CELA3B: variants seen among roughly 807,000 people sequenced by gnomAD.
CELA3B encodes the protein chymotrypsin-like elastase family member 3B.
Under a neutral mutation model 37.2 loss-of-function variants are expected in CELA3B, and 34 were observed. That is an observed-to-expected ratio of 0.91 (90% CI 0.70 to 1.22). The LOEUF (loss-of-function observed/expected upper bound fraction) is 1.22, where lower values mean the gene tolerates loss of function less well. Ranked by LOEUF, CELA3B falls within the 50% of genes most tolerant of loss-of-function variation. The pLI is 0.00. For synonymous variants in CELA3B, 127 were observed against 143.5 expected (o/e 0.89, Z 0.82); for missense variants, 340 against 363.1 (o/e 0.94, Z 0.52).
chr1:21,983,113 G>A (rs932390167), intron 4 of CELA3B, among the ~76,000 whole-genome samples: 2 of 152,182 alleles, frequency 1.3e-5, no homozygotes, highest in Non-Finnish European at 2.9e-5. Flanking sequence ...ACTTTGGGAG[G>A]CCCAGGCGGG....
chr1:21,985,927 A>G (rs1439386230), intron 6 of CELA3B, among the ~76,000 whole-genome samples: 4 of 139,854 alleles, frequency 2.9e-5, no homozygotes, highest in Non-Finnish European at 6.2e-5. Flanking sequence ...CCCTCGTATT[A>G]TAATTGAGTA....
rs748651866 is a variant in CELA3B, at chr1:21,986,669, G to C, written c.781G>C (p.Asp261His). 1.9e-6 allele frequency: 3 copies of C among 1,613,440 alleles called. No individual in the cohort carries two copies. Among genetic ancestry groups the C allele is most frequent in the Admixed American group, 1.7e-5 (1 of 59,808 alleles). ...GTTCACTCGAGTCTCCGCCTTCATT[G>C]ACTGGATTGAGGAGGTGAGGAGGGC... ...TVFTRVSAFIDWIEETIASH is the reference protein window; with the variant it reads ...TVFTRVSAFIHWIEETIASH Residue 261 changes from aspartate (D) to histidine (H), a missense_variant, in exon 7 of 8, where the codon GAC (aspartate) becomes CAC (histidine). Coordinates refer to ENST00000337107, the MANE Select transcript of CELA3B (RefSeq NM_007352.4).
chr1:21,983,746 G>C lies in CELA3B; in HGVS notation c.415G>C (p.Val139Leu), dbSNP rs141568613. The C allele has an allele frequency of 2.5e-6, 4 of 1,614,070 alleles. No homozygotes were observed. Among genetic ancestry groups the C allele is most frequent in the Admixed American group, 3.3e-5 (2 of 60,010 alleles). ...LSRSAQLGDA[V>L]QLASLPPAGD... ...ACGCAGCGCCCAGCTGGGAGACGCC[G>C]TCCAGCTCGCCTCACTCCCTCCGGC... The change falls in exon 5 of 8, where the codon GTC (valine) becomes CTC (leucine). Residue 139 changes from valine (V) to leucine (L), a missense_variant. By Grantham distance (32) the Val-to-Leu change is conservative. Coordinates refer to ENST00000337107, the MANE Select transcript of CELA3B (RefSeq NM_007352.4).
intron 2 of CELA3B, among the ~76,000 whole-genome samples, chr1:21,979,531 C>T (rs924723683): frequency 1.3e-4 from 19 of 144,402 alleles, no homozygotes; most frequent in Non-Finnish European, 2.5e-4. Flanking sequence ...CAGCTCACTG[C>T]AGCCTTGACC....
At chr1:21,977,637 A>C (rs1042122373) in intron 1 of CELA3B, among the ~76,000 whole-genome samples, 1 of 152,232 alleles carries the variant, frequency 6.6e-6, no homozygotes, top group African/African-American at 2.4e-5. Flanking sequence ...TCAGGAGATC[A>C]GTACTATCAT....
At chr1:21,977,584 T>C (rs1188815056) in intron 1 of CELA3B, among the ~76,000 whole-genome samples, 2 of 152,196 alleles carry the variant, frequency 1.3e-5, no homozygotes, top group Admixed American at 6.5e-5. Flanking sequence ...GCAGAATGTT[T>C]AGGGTTTTCC....
At chr1:21,997,513 C>T (rs2152818496) in intron 4 of CELA3B, among the ~76,000 whole-genome samples, 1 of 150,682 alleles carries the variant, frequency 6.6e-6, no homozygotes, top group East Asian at 2.0e-4. Flanking sequence ...TGTGGTGAAA[C>T]CCTGCCTCTA....
chr1:21,995,525 T>C (rs1021435308), intron 4 of CELA3B, among the ~76,000 whole-genome samples: 21 of 151,266 alleles, frequency 1.4e-4, no homozygotes, highest in African/African-American at 3.9e-4. Context: ...TGAGGCTGTG[T>C]GCTGATTTCT....
In CELA3B at chr1:21,980,901, G is replaced by C; in HGVS notation, c.207G>C (p.Val69=). The C allele has an allele frequency of 6.2e-7, 1 of 1,613,558 alleles. No individual in the cohort carries two copies. Among genetic ancestry groups the C allele is most frequent in the Non-Finnish European group, 8.5e-7 (1 of 1,179,868 alleles). The change falls in exon 3 of 8, where the codon GTG becomes GTC. Residue 69 remains valine, a synonymous_variant. Transcript: ENST00000337107. The stretch of plus-strand genomic sequence containing the variant: ...GCCTCATCGCCCCCGACTGGGTTGT[G>C]ACTGCCGGCCACTGCATCTCGTGAG... The part of the protein sequence containing the change: ...GGSLIAPDWV[V]TAGHCISSSR...
At chr1:21,992,890 G>A (rs1432931306), downstream of CELA3B, among the ~76,000 whole-genome samples, 2 of 149,842 alleles carry the variant, frequency 1.3e-5, no homozygotes, top group African/African-American at 2.5e-5. Context: ...ACTTGAGCCC[G>A]AGAGGTTGAG....
chr1:21,996,127 T>C lies in CELA3B; in HGVS notation c.505-2024T>C, dbSNP rs189578813. Reference sequence around the variant, plus strand: ...ACTGGGGAGGCTGAGGCATGAGAATTGCTTGAACCTGGGAGGTGGAGGCTG... The same window carrying C: ...ACTGGGGAGGCTGAGGCATGAGAATCGCTTGAACCTGGGAGGTGGAGGCTG... On this transcript the variant is annotated intron_variant, in intron 4 of 4. Coordinates refer to the CELA3B transcript ENST00000400277. 2.9e-3 allele frequency among the ~76,000 whole-genome samples: 435 copies of C among 151,124 alleles called. 12 individuals are homozygous for C. The highest frequency in any genetic ancestry group is 4.5e-3 in the Non-Finnish European group (303 of 67,830).
At chr1:21,986,240 G>T (rs1321147144) in intron 6 of CELA3B, among the ~76,000 whole-genome samples, 2 of 151,790 alleles carry the variant, frequency 1.3e-5, no homozygotes, top group African/African-American at 2.4e-5. Flanking sequence ...GTGGTGGCAG[G>T]TACCTGTAAT....
downstream of CELA3B, among the ~76,000 whole-genome samples, chr1:21,991,583 G>A (rs868110151): frequency 3.3e-5 from 5 of 150,810 alleles, no homozygotes; most frequent in African/African-American, 7.4e-5. Flanking sequence ...TGATCCACCC[G>A]CCTTGGCCTC....
chr1:21,981,814 C>T (rs1644806769), intron 4 of CELA3B, among the ~76,000 whole-genome samples: 1 of 151,836 alleles, frequency 6.6e-6, no homozygotes, highest in South Asian at 2.1e-4. Flanking sequence ...CAAGCTCTGC[C>T]TCCCGGGTTC....
intron 4 of CELA3B, among the ~76,000 whole-genome samples, chr1:21,982,255 G>T (rs938268240): frequency 6.6e-6 from 1 of 152,072 alleles, no homozygotes. Context: ...AGAGGGCAGT[G>T]GTTCTCAAAA....
chr1:21,996,208 G>A (rs539855401), intron 4 of CELA3B, among the ~76,000 whole-genome samples: 5 of 151,028 alleles, frequency 3.3e-5, no homozygotes, highest in African/African-American at 4.9e-5. Context: ...CAGGTAAAAT[G>A]AAGCTGAGAC....
chr1:21,988,087 C>T (rs1235875355), intron 7 of CELA3B, among the ~76,000 whole-genome samples: 1 of 150,748 alleles, frequency 6.6e-6, no homozygotes, highest in Non-Finnish European at 1.5e-5. Flanking sequence ...TGGTGCATGC[C>T]TGTGGTCCCA....
chr1:21,977,734 CTTTTT>C (rs1198184129), intron 1 of CELA3B, among the ~76,000 whole-genome samples: 1 of 148,098 alleles, frequency 6.8e-6, no homozygotes, highest in Non-Finnish European at 1.5e-5. Flanking sequence ...TTATTTTTTG[CTTTTT>C]TTTTTGTTGA....
In CELA3B at chr1:21,984,266, T is replaced by C. The variant is rs1382233418; in HGVS notation, c.577T>C (p.Trp193Arg). The C allele has an allele frequency of 2.7e-5, 44 of 1,614,064 alleles. No individual in the cohort carries two copies. The highest frequency in any genetic ancestry group is 3.6e-5 in the Non-Finnish European group (43 of 1,180,032). ...VDYEHCSRWNWWGSSVKKTMV... is the reference protein window; with the variant it reads ...VDYEHCSRWNRWGSSVKKTMV... Reference sequence around the variant, plus strand: ...CTATGAACACTGCTCCAGGTGGAACTGGTGGGGTTCCTCCGTGAAGAAGAC... The same window carrying C: ...CTATGAACACTGCTCCAGGTGGAACCGGTGGGGTTCCTCCGTGAAGAAGAC... Residue 193 changes from tryptophan to arginine, a missense_variant, in exon 6 of 8, where the codon TGG (tryptophan) becomes CGG (arginine). By Grantham distance (101) the Trp-to-Arg change is moderately radical. Transcript: ENST00000337107.
Sources: allele counts gnomAD v4.1 joint callset (sites outside exome capture counted in the v4.1 genomes callset), GRCh38; gene constraint gnomAD v4.1.1; transcripts MANE v1.5; gene names NCBI Gene and HGNC (gene_info 2026-07-23, HGNC 2026-07-21).